The following ERBB4 variants were observed in gnomAD, a reference collection of about 807,000 sequenced individuals.
ERBB4 encodes the protein receptor tyrosine-protein kinase erbB-4.
In ERBB4, 42 loss-of-function variants were observed where a neutral mutation model predicts 158.0. That is an observed-to-expected ratio of 0.27 (90% CI 0.21 to 0.34). The LOEUF (loss-of-function observed/expected upper bound fraction) is 0.34. ERBB4 is among the 10% of genes least tolerant of loss of function. ERBB4 has a pLI of 1.00. For synonymous variants in ERBB4, 583 were observed against 558.7 expected (o/e 1.04, Z -0.61); for missense variants, 1,333 against 1,624.1 (o/e 0.82, Z 3.08).
At chr2:211,431,373 T>C (rs976670532) in intron 20 of ERBB4, among the ~76,000 whole-genome samples, 5 of 152,158 alleles carry the variant, frequency 3.3e-5, no homozygotes, top group Non-Finnish European at 7.4e-5. Flanking sequence ...TGACTTGATA[T>C]CCTTTTGCAA....
chr2:211,449,431 A>T (rs893938433), intron 20 of ERBB4, among the ~76,000 whole-genome samples: 4 of 152,218 alleles, frequency 2.6e-5, no homozygotes, highest in African/African-American at 4.8e-5. Context: ...ATGGTTATTC[A>T]TTATAATATA....
intron 1 of ERBB4, among the ~76,000 whole-genome samples, chr2:212,372,013 T>TA (rs1210531342): frequency 6.6e-6 from 1 of 152,178 alleles, no homozygotes; most frequent in African/African-American, 2.4e-5. Context: ...ATGTTACTTT[T>TA]AAAACTTTTA....
chr2:211,492,599 T>C (rs1265811814), intron 20 of ERBB4, among the ~76,000 whole-genome samples: 2 of 152,060 alleles, frequency 1.3e-5, no homozygotes, highest in Non-Finnish European at 2.9e-5. Context: ...AATAAGTTTG[T>C]ACCTGCTCAG....
chr2:211,853,571 C>T (rs552601602), intron 3 of ERBB4, among the ~76,000 whole-genome samples: 1 of 152,164 alleles, frequency 6.6e-6, no homozygotes, highest in Non-Finnish European at 1.5e-5. Flanking sequence ...AAAAGAACTA[C>T]ACACTCTTGA....
At chr2:212,486,362 T>C (rs530657499) in intron 1 of ERBB4, among the ~76,000 whole-genome samples, 3 of 152,240 alleles carry the variant, frequency 2.0e-5, no homozygotes, top group African/African-American at 4.8e-5. Flanking sequence ...CTTTAGGTCA[T>C]AATGCACGGA....
In ERBB4 at chr2:211,449,517, T is replaced by C. The variant is rs556557162; in HGVS notation, c.2488-18417A>G. 3.9e-5 allele frequency among the ~76,000 whole-genome samples: 6 copies of C among 152,310 alleles called. No homozygotes were observed. The South Asian group carries it at 1.2e-3, about 32-fold the overall frequency. ...GAGGATAGTAGCTTATATTCACTTTTAAAACTCAATAGACATAGTTCATAT... is the reference window on the plus strand; with the variant it reads ...GAGGATAGTAGCTTATATTCACTTTCAAAACTCAATAGACATAGTTCATAT... On this transcript the variant is annotated intron_variant, in intron 20 of 27. Coordinates refer to ENST00000342788, the MANE Select transcript of ERBB4 (RefSeq NM_005235.3).
At chr2:212,483,246 A>G (rs1190620293) in intron 1 of ERBB4, among the ~76,000 whole-genome samples, 1 of 152,186 alleles carries the variant, frequency 6.6e-6, no homozygotes, top group Non-Finnish European at 1.5e-5. Flanking sequence ...AGTGCTCATA[A>G]TTTTTGCAGG....
Position 212,204,270 on chromosome 2 carries a change from G to C in ERBB4, c.83-79367C>G, listed in dbSNP as rs531156430. On this transcript the variant is annotated intron_variant, in intron 1 of 27. Transcript: ENST00000342788. Reference sequence around the variant, plus strand: ...AGATTGGCCTTTCAATGAGGCAAAAGACTCTGTTTATTTTTCCATTTCCTT... The same window carrying C: ...AGATTGGCCTTTCAATGAGGCAAAACACTCTGTTTATTTTTCCATTTCCTT... Among the ~76,000 whole-genome samples the C allele has an allele frequency of 9.9e-5, 15 of 152,270 alleles. No homozygotes were observed. In the South Asian group the frequency reaches 1.0e-3, roughly 11 times the overall value.
chr2:212,105,121 C>G (rs2125526359), intron 2 of ERBB4, among the ~76,000 whole-genome samples: 1 of 152,306 alleles, frequency 6.6e-6, no homozygotes, highest in South Asian at 2.1e-4. Context: ...TCCACAAATA[C>G]CTCATTCAGT....
chr2:211,763,176 C>T (rs2075458079), intron 4 of ERBB4, among the ~76,000 whole-genome samples: 1 of 152,064 alleles, frequency 6.6e-6, no homozygotes, highest in Non-Finnish European at 1.5e-5. Flanking sequence ...CATATTTGTA[C>T]ATTTTATCCT....
chr2:212,150,604 A>G (rs1008462290), intron 1 of ERBB4, among the ~76,000 whole-genome samples: 2 of 152,040 alleles, frequency 1.3e-5, no homozygotes, highest in Non-Finnish European at 2.9e-5. Context: ...TAATTTTGAG[A>G]ATCCAATGGG....
chr2:212,531,733 CAAAA>C (rs1203077216), intron 1 of ERBB4, among the ~76,000 whole-genome samples: 1 of 151,726 alleles, frequency 6.6e-6, no homozygotes, highest in Non-Finnish European at 1.5e-5. Flanking sequence ...TAAAAAAAAA[CAAAA>C]AGAAAGAAAA....
chr2:211,886,638 G>A (rs1182432860), intron 3 of ERBB4, among the ~76,000 whole-genome samples: 1 of 152,152 alleles, frequency 6.6e-6, no homozygotes, highest in East Asian at 1.9e-4. Flanking sequence ...AGTTTCACAT[G>A]GCATCTTGGG....
In ERBB4 at chr2:211,409,766, T is replaced by C. The variant is rs190354002; in HGVS notation, c.3135+10675A>G. On this transcript the variant is annotated intron_variant, in intron 25 of 27. Coordinates refer to ENST00000342788, the MANE Select transcript of ERBB4 (RefSeq NM_005235.3). ...GCAATAGAGGTCTGAATACTAGAGTTAGACTTGAGAAACTGAAGCTTCTCA... is the reference window on the plus strand; with the variant it reads ...GCAATAGAGGTCTGAATACTAGAGTCAGACTTGAGAAACTGAAGCTTCTCA... Among the ~76,000 whole-genome samples, 496 of 152,276 alleles carry C rather than the reference T, an allele frequency of 3.3e-3. 2 individuals are homozygous for C. Among genetic ancestry groups the C allele is most frequent in the African/African-American group, 0.011 (469 of 41,542 alleles).
chr2:211,852,656 T>C (rs2106038326), intron 3 of ERBB4, among the ~76,000 whole-genome samples: 1 of 149,686 alleles, frequency 6.7e-6, no homozygotes, highest in Non-Finnish European at 1.5e-5. Flanking sequence ...TTTTTTGCCG[T>C]TGCCATCACT....
chr2:211,668,128 G>C (rs921515102), intron 14 of ERBB4, among the ~76,000 whole-genome samples: 2 of 152,126 alleles, frequency 1.3e-5, no homozygotes, highest in Non-Finnish European at 1.5e-5. Context: ...ACAATAATAA[G>C]CATGTGTGTA....
At chr2:212,265,984 C>T (rs2085120923) in intron 1 of ERBB4, among the ~76,000 whole-genome samples, 1 of 151,994 alleles carries the variant, frequency 6.6e-6, no homozygotes, top group Non-Finnish European at 1.5e-5. Context: ...CCCCACAGAC[C>T]TGATGGTGCT....
chr2:211,394,300 TC>T (rs1215119073), intron 25 of ERBB4, among the ~76,000 whole-genome samples: 1 of 152,180 alleles, frequency 6.6e-6, no homozygotes, highest in Admixed American at 6.5e-5. Flanking sequence ...AAGAATTGTG[TC>T]ACCCTTCTTG....
At chr2:212,181,348 T>C (rs2081856770) in intron 1 of ERBB4, among the ~76,000 whole-genome samples, 1 of 151,708 alleles carries the variant, frequency 6.6e-6, no homozygotes, top group African/African-American at 2.4e-5. Flanking sequence ...ATAAGATACA[T>C]AATACATATT....
Sources: gnomAD v4.1 joint callset for allele counts (sites outside exome capture counted in the v4.1 genomes callset) on GRCh38, gnomAD v4.1.1 for gene constraint, MANE v1.5 for transcripts, NCBI Gene and HGNC (gene_info 2026-07-23, HGNC 2026-07-21) for gene names.